BRME1: variants seen among roughly 807,000 people sequenced by gnomAD.
BRME1 encodes the protein break repair meiotic recombinase recruitment factor 1.
In BRME1, 31 loss-of-function variants were observed where a neutral mutation model predicts 52.6. The ratio of observed to expected loss-of-function variants is 0.59; its 90% CI spans 0.44 to 0.80. The LOEUF (loss-of-function observed/expected upper bound fraction) is 0.80. Ranked by LOEUF, BRME1 falls within the 30% of genes least tolerant of loss-of-function variation. The pLI is 0.00. For synonymous variants in BRME1, 359 were observed against 353.6 expected (o/e 1.02, Z -0.17); for missense variants, 804 against 860.3 (o/e 0.93, Z 0.82).
chr19:13,890,159 G>T lies in BRME1; in HGVS notation c.697C>A (p.Gln233Lys). The T allele has an allele frequency of 6.2e-7, 1 of 1,614,142 alleles. No homozygotes were observed. The highest frequency in any genetic ancestry group is 8.5e-7 in the Non-Finnish European group (1 of 1,180,032). Residue 233 changes from glutamine to lysine, a missense_variant, in exon 6 of 9, where the codon CAA (glutamine) becomes AAA (lysine). Coordinates refer to ENST00000586783, the MANE Select transcript of BRME1 (RefSeq NM_001345843.2). ...ETDRVPGDGG[Q>K]KEHLPSIDSE... is the part of the protein sequence containing the mutation. ...TCAATGCTTGGTAGGTGTTCCTTTT[G>T]GCCACCGTCACCTGGAACCCTGTCT...
chr19:13,887,401 G>C (rs1443520056), intron 6 of BRME1, among the ~76,000 whole-genome samples: 1 of 152,216 alleles, frequency 6.6e-6, no homozygotes, highest in Non-Finnish European at 1.5e-5. Flanking sequence ...CTGGGGAAAG[G>C]CTGCTAATGC....
intron 2 of BRME1, among the ~76,000 whole-genome samples, chr19:13,896,881 T>C (rs538882583): frequency 6.6e-6 from 1 of 151,892 alleles, no homozygotes; most frequent in South Asian, 2.1e-4. Flanking sequence ...TTTTGTTTTG[T>C]TGAGACAGGG....
chr19:13,897,867 A>G (rs1970018027), intron 2 of BRME1, among the ~76,000 whole-genome samples: 1 of 152,086 alleles, frequency 6.6e-6, no homozygotes, highest in Admixed American at 6.6e-5. Flanking sequence ...TCTCAAAAAA[A>G]CATTTAAATT....
Position 13,885,817 on chromosome 19 carries a change from G to A in BRME1, c.1763+144C>T, listed in dbSNP as rs543449676. The A allele has an allele frequency of 1.3e-4, 89 of 669,326 alleles. No homozygotes were observed. The East Asian group carries it at 2.3e-3, about 17-fold the overall frequency. The allele number at this position is 669,326 out of a possible 1,614,324, so 41.5% of individuals were successfully genotyped here. A position where few individuals can be genotyped will look rare whatever the true frequency, so the allele number is the denominator to read the frequency against. On this transcript the variant is annotated intron_variant, in intron 7 of 8. Coordinates refer to ENST00000586783, the MANE Select transcript of BRME1 (RefSeq NM_001345843.2). Reference sequence around the variant, plus strand: ...GGGAGCAGGGGAATGTATACAGTTTGAAAGACAGGGCTCAGCTCCCCTGCT... The same window carrying A: ...GGGAGCAGGGGAATGTATACAGTTTAAAAGACAGGGCTCAGCTCCCCTGCT...
At chr19:13,898,340 G>A (rs1970049085) in intron 2 of BRME1, among the ~76,000 whole-genome samples, 1 of 152,104 alleles carries the variant, frequency 6.6e-6, no homozygotes, top group South Asian at 2.1e-4. Context: ...CCAACAGCCA[G>A]GTGTGGTGGT....
At chr19:13,902,294 G>T (rs1970346625) in intron 2 of BRME1, among the ~76,000 whole-genome samples, 1 of 152,140 alleles carries the variant, frequency 6.6e-6, no homozygotes, top group South Asian at 2.1e-4. Flanking sequence ...AGTCAAGATC[G>T]TGCCACTGCA....
Position 13,883,385 on chromosome 19 carries a change from G to T in BRME1, c.1779C>A (p.Ile593=). ...CCATCCTGGAGGCCTCAGAGGCCTG[G>T]ATCCCCACGAAGGTCCTGGCCAGCA... is the stretch of plus-strand genomic sequence containing the variant. The part of the protein sequence containing the change: ...AKAQPRTFVG[I]QASEASRMED... Residue 593 remains isoleucine, a synonymous_variant, in exon 8 of 9, where the codon ATC becomes ATA. Coordinates refer to ENST00000586783, the MANE Select transcript of BRME1 (RefSeq NM_001345843.2). This position sits in a 1 kb window ranked among gnomAD's most constrained non-coding sequence, Gnocchi z 4.2. The T allele has an allele frequency of 1.3e-6, 2 of 1,534,394 alleles. No homozygotes were observed. The highest frequency in any genetic ancestry group is 2.7e-5 in the African/African-American group (2 of 73,136).
chr19:13,903,837 C>T (rs1049426525), intron 2 of BRME1, among the ~76,000 whole-genome samples: 14 of 152,102 alleles, frequency 9.2e-5, no homozygotes, highest in Non-Finnish European at 1.2e-4. Flanking sequence ...AAATCATCCA[C>T]CACCACACAC....
chr19:13,898,947 A>C (rs1267713975), intron 2 of BRME1, among the ~76,000 whole-genome samples: 1 of 141,396 alleles, frequency 7.1e-6, no homozygotes, highest in Non-Finnish European at 1.5e-5. Flanking sequence ...AAAAAAAAAG[A>C]ATAACACTAT....
At chr19:13,892,670 G>A in intron 5 of BRME1, 116 bp downstream of exon 5, 1 of 703,470 alleles carries the variant, frequency 1.4e-6, no homozygotes, top group Non-Finnish European at 2.5e-6. Flanking sequence ...AACGGTGGGT[G>A]GAGAGGTGCA....
chr19:13,901,126 C>T (rs1970266662), intron 2 of BRME1, among the ~76,000 whole-genome samples: 1 of 151,812 alleles, frequency 6.6e-6, no homozygotes, highest in Non-Finnish European at 1.5e-5. Flanking sequence ...GTAGGCACCA[C>T]CACACTGGTT....
intron 6 of BRME1, among the ~76,000 whole-genome samples, chr19:13,887,770 CTT>C (rs35586400): frequency 1.4e-4 from 20 of 142,910 alleles, no homozygotes; most frequent in Non-Finnish European, 2.0e-4. Flanking sequence ...CTGTGACTCA[CTT>C]TTTTTTTTTT....
chr19:13,890,409 C>T lies in BRME1; in HGVS notation c.447G>A (p.Glu149=). Residue 149 remains glutamate (E), a synonymous_variant, in exon 6 of 9, where the codon GAG becomes GAA. Coordinates refer to ENST00000586783, the MANE Select transcript of BRME1 (RefSeq NM_001345843.2). ...AQSPGCQLLV[E]TLGVPLQEAT... The stretch of plus-strand genomic sequence containing the variant: ...CCTCCTGGAGGGGGACCCCCAGGGT[C>T]TCCACTAGCAGCTGGCATCCTGGAC... 1 of 1,520,772 alleles carries T rather than the reference C, an allele frequency of 6.6e-7. No individual in the cohort carries two copies. Among genetic ancestry groups the T allele is most frequent in the Non-Finnish European group, 8.8e-7 (1 of 1,141,784 alleles). 94.2% of individuals were successfully genotyped at this position (1,520,772 alleles called of 1,614,324 possible).
intron 7 of BRME1, 150 bp downstream of exon 7, chr19:13,885,809 TAC>T: frequency 1.6e-6 from 1 of 636,748 alleles, no homozygotes; most frequent in Non-Finnish European, 2.7e-6. Flanking sequence ...GGGGAATGTA[TAC>T]AGTTTGAAAG....
Position 13,890,345 on chromosome 19 carries a change from G to C in BRME1, c.511C>G (p.Arg171Gly). 1.3e-6 allele frequency: 2 copies of C among 1,582,242 alleles called. No homozygotes were observed. The highest frequency in any genetic ancestry group is 8.6e-7 in the Non-Finnish European group (1 of 1,165,640). ...GGGCTCTGGCTGCTCTGCTCAGGGC[G>C]GGCACTGTCTGCCTGCGTTGGGTCC... ...LGDPTQADSA[R>G]PEQSSQSPVQ... The change falls in exon 6 of 9, where the codon CGC becomes GGC. Residue 171 changes from arginine to glycine, a missense_variant. Physicochemically the swap from Arg to Gly is moderately radical, Grantham distance 125. This residue lies in a region of BRME1 where 234 missense variants were observed against 258.1 expected (regional missense o/e 0.91). Transcript: ENST00000586783.
At chr19:13,893,447 A>C (rs894522948) in intron 3 of BRME1, among the ~76,000 whole-genome samples, 7 of 152,144 alleles carry the variant, frequency 4.6e-5, no homozygotes, top group African/African-American at 1.7e-4. Context: ...CTGAGGCAGA[A>C]TGGCTTGAAC....
Position 13,904,843 on chromosome 19 carries a change from T to C in BRME1, c.31+19A>G, listed in dbSNP as rs981466021. The C allele has an allele frequency of 6.2e-7, 1 of 1,612,348 alleles. No homozygotes were observed. ...AAGCAGAAGCAGAAATCAACAAGTG[T>C]CCATTTGAATGAACGTACCTGAGGT... On this transcript the variant is annotated intron_variant, in intron 2 of 8. Transcript: ENST00000586783.
At chr19:13,898,169 G>A (rs1254650581) in intron 2 of BRME1, among the ~76,000 whole-genome samples, 1 of 152,122 alleles carries the variant, frequency 6.6e-6, no homozygotes, top group African/African-American at 2.4e-5. Context: ...AGGGCCCCAA[G>A]TTCCCAGAGA....
rs571384356 is a variant in BRME1 at position 13,886,179 on chromosome 19, G to A, written c.1669-124C>T. 8.4e-6 allele frequency: 6 copies of A among 711,088 alleles called. No individual in the cohort carries two copies. The East Asian group carries it at 1.4e-4, about 17-fold the overall frequency. The allele number at this position is 711,088 out of a possible 1,614,324, so 44.0% of individuals were successfully genotyped here. ...GGCCACAGCAGGTCACATCGGGGCT[G>A]GCTGGGACTCCTGCAGAGGAAGAGC... On this transcript the variant is annotated intron_variant, in intron 6 of 8. Coordinates refer to ENST00000586783, the MANE Select transcript of BRME1 (RefSeq NM_001345843.2).
Sources: allele counts gnomAD v4.1 joint callset (sites outside exome capture counted in the v4.1 genomes callset), GRCh38; gene constraint gnomAD v4.1.1; regional missense constraint gnomAD v4.1.1; non-coding constraint Gnocchi (gnomAD v3.1); transcripts MANE v1.5; gene names NCBI Gene and HGNC (gene_info 2026-07-23, HGNC 2026-07-21).